CLIP2: variants seen among roughly 807,000 people sequenced by gnomAD.
CLIP2 encodes the protein CAP-Gly domain-containing linker protein 2.
CLIP2 carries 41 observed loss-of-function variants against 111.7 expected under a neutral mutation model. The ratio of observed to expected loss-of-function variants is 0.37; its 90% CI spans 0.29 to 0.48. The LOEUF (loss-of-function observed/expected upper bound fraction) is 0.48, where lower values mean the gene tolerates loss of function less well. CLIP2 is among the 20% of genes least tolerant of loss of function. The pLI, the probability that CLIP2 is intolerant of heterozygous loss-of-function variation, is 0.99. For synonymous variants in CLIP2, 660 were observed against 644.2 expected (o/e 1.02, Z -0.37); for missense variants, 1,160 against 1,422.1 (o/e 0.82, Z 2.96).
At chr7:74,329,161 C>T (rs573639913) in intron 2 of CLIP2, among the ~76,000 whole-genome samples, 17 of 146,204 alleles carry the variant, frequency 1.2e-4, no homozygotes, top group East Asian at 4.0e-4. Flanking sequence ...CTCCTGACCT[C>T]GTGATCCGCC....
chr7:74,365,021 G>T, intron 8 of CLIP2: 1 of 315,110 alleles, frequency 3.2e-6, no homozygotes. Flanking sequence ...GTGTGTGTGT[G>T]TGTGTGTGTG....
intron 7 of CLIP2, among the ~76,000 whole-genome samples, chr7:74,363,660 A>G (rs1554310196): frequency 1.3e-5 from 2 of 152,086 alleles, no homozygotes; most frequent in African/African-American, 4.8e-5. Flanking sequence ...TGAGGTGGGC[A>G]GATCACTTGA....
chr7:74,353,875 G>T lies in CLIP2; in HGVS notation c.679-5G>T. ...CTAGACCTGAGTCTCCCTGTGTGCC[G>T]ACAGGTTGGCGGGACGAAGACTGGC... On this transcript the variant is annotated splice_polypyrimidine_tract_variant and splice_region_variant and intron_variant, in intron 3 of 16. Transcript: ENST00000223398. 1 of 1,614,140 alleles carries T rather than the reference G, an allele frequency of 6.2e-7. No homozygotes were observed. The highest frequency in any genetic ancestry group is 8.5e-7 in the Non-Finnish European group (1 of 1,180,002).
chr7:74,401,167 A>T (rs1354147763), intron 15 of CLIP2, among the ~76,000 whole-genome samples: 2 of 151,212 alleles, frequency 1.3e-5, no homozygotes, highest in African/African-American at 4.9e-5. Flanking sequence ...TGTCCCAGGA[A>T]CCTCCATCAG....
chr7:74,350,934 G>T (rs1789970107), intron 3 of CLIP2, among the ~76,000 whole-genome samples: 1 of 146,828 alleles, frequency 6.8e-6, no homozygotes, highest in African/African-American at 2.5e-5. Context: ...GGAAGGGAAG[G>T]AAAGGAAGGA....
chr7:74,335,174 G>C (rs1554731885), intron 2 of CLIP2, among the ~76,000 whole-genome samples: 2 of 151,268 alleles, frequency 1.3e-5, no homozygotes, highest in African/African-American at 4.9e-5. Flanking sequence ...GGGAGGCTGA[G>C]GCAGGAGAAT....
intron 8 of CLIP2, among the ~76,000 whole-genome samples, chr7:74,368,872 C>T (rs1790527989): frequency 6.6e-6 from 1 of 152,232 alleles, no homozygotes; most frequent in Non-Finnish European, 1.5e-5. Context: ...TGCCCTGACC[C>T]AGGGCCCCCT....
Position 74,338,431 on chromosome 7 carries a change from C to T in CLIP2, c.122-17C>T. 6.2e-7 allele frequency: 1 copy of T among 1,610,312 alleles called. No homozygotes were observed. Among genetic ancestry groups the T allele is most frequent in the Non-Finnish European group, 8.5e-7 (1 of 1,178,988 alleles). ...CCTAACAGCCACCTCTTTCCCTTTC[C>T]CTCTCCTTCTCTGCAGGCTCCCCAC... On this transcript the variant is annotated splice_polypyrimidine_tract_variant and intron_variant, in intron 2 of 16. Coordinates refer to ENST00000223398, the MANE Select transcript of CLIP2 (RefSeq NM_003388.5). This position sits in a 1 kb window ranked among gnomAD's most constrained non-coding sequence, Gnocchi z 4.3.
intron 8 of CLIP2, among the ~76,000 whole-genome samples, chr7:74,371,627 G>A (rs1790625414): frequency 7.0e-6 from 1 of 143,418 alleles, no homozygotes; most frequent in Non-Finnish European, 1.5e-5. Flanking sequence ...GGGAAACAGG[G>A]AGGGGAATGG....
At chr7:74,313,575 T>A (rs1269953815) in intron 1 of CLIP2, among the ~76,000 whole-genome samples, 6 of 146,712 alleles carry the variant, frequency 4.1e-5, no homozygotes, top group African/African-American at 1.5e-4. Flanking sequence ...AAAAAAAAAA[T>A]GAAGAGCCCA....
Position 74,397,175 on chromosome 7 carries a change from T to C in CLIP2, c.2822T>C (p.Ile941Thr). 2 of 1,613,400 alleles carry C rather than the reference T, an allele frequency of 1.2e-6. No homozygotes were observed. Among genetic ancestry groups the C allele is most frequent in the Non-Finnish European group, 1.7e-6 (2 of 1,179,938 alleles). The change falls in exon 14 of 17, where the codon ATC (isoleucine) becomes ACC (threonine). Residue 941 changes from isoleucine to threonine, a missense_variant. Ile to Thr is a moderately conservative substitution (Grantham distance 89, BLOSUM62 -1). This residue lies in a region of CLIP2 where 676 missense variants were observed against 777.8 expected (regional missense o/e 0.87). Coordinates refer to ENST00000223398, the MANE Select transcript of CLIP2 (RefSeq NM_003388.5). ...SREVHKAEWRIKEQKLKDDIR... is the reference protein window; with the variant it reads ...SREVHKAEWRTKEQKLKDDIR... ...GAGGTACACAAGGCTGAGTGGCGGATCAAGGAGCAGAAACTCAAGGATGAC... is the reference window on the plus strand; with the variant it reads ...GAGGTACACAAGGCTGAGTGGCGGACCAAGGAGCAGAAACTCAAGGATGAC...
At chr7:74,371,292 T>C (rs1432082226) in intron 8 of CLIP2, among the ~76,000 whole-genome samples, 4 of 126,442 alleles carry the variant, frequency 3.2e-5, no homozygotes, top group African/African-American at 1.2e-4. Context: ...TCCTTTGGAG[T>C]GGGACCGAAT....
intron 12 of CLIP2, among the ~76,000 whole-genome samples, chr7:74,387,054 A>G (rs78644632): frequency 0.04 from 5,921 of 149,054 alleles, 127 homozygotes; most frequent in Non-Finnish European, 0.054. Context: ...GGCCAGGGCC[A>G]GGTCACCTGC....
chr7:74,379,637 G>T (rs1258739246), intron 10 of CLIP2, among the ~76,000 whole-genome samples: 1 of 151,760 alleles, frequency 6.6e-6, no homozygotes, highest in Non-Finnish European at 1.5e-5. Context: ...GGTGGCGGGC[G>T]CCTGTAGTCC....
intron 13 of CLIP2, among the ~76,000 whole-genome samples, chr7:74,394,355 A>G (rs1476323389): frequency 1.3e-5 from 2 of 150,600 alleles, no homozygotes; most frequent in Non-Finnish European, 2.9e-5. Flanking sequence ...GGTTCAAGCA[A>G]TTCTCCTGCC....
chr7:74,331,205 C>CAAAAA (rs58844348), intron 2 of CLIP2, among the ~76,000 whole-genome samples: 4 of 59,956 alleles, frequency 6.7e-5, no homozygotes, highest in African/African-American at 2.3e-4. Flanking sequence ...GACTCCATCT[C>CAAAAA]AAAAAAAAAA....
chr7:74,295,447 G>A (rs932388736), intron 1 of CLIP2, among the ~76,000 whole-genome samples: 5 of 152,182 alleles, frequency 3.3e-5, no homozygotes, highest in Non-Finnish European at 5.9e-5. Context: ...TGGCGGCGGG[G>A]AGAAGTAACG....
chr7:74,349,671 G>A (rs1224658512), intron 3 of CLIP2, among the ~76,000 whole-genome samples: 3 of 150,824 alleles, frequency 2.0e-5, no homozygotes, highest in East Asian at 3.9e-4. Flanking sequence ...CACCCAGGCT[G>A]GAGTGCAATG....
At chr7:74,323,379 G>A (rs73360542) in intron 2 of CLIP2, among the ~76,000 whole-genome samples, 2,607 of 151,058 alleles carry the variant, frequency 0.017, 69 homozygotes, top group African/African-American at 0.057. Flanking sequence ...ACCAAAGGGC[G>A]TGAGCCACCA....
Sources: gnomAD v4.1 joint callset for allele counts (sites outside exome capture counted in the v4.1 genomes callset) on GRCh38, gnomAD v4.1.1 for gene constraint, gnomAD v4.1.1 regional missense constraint, Gnocchi (gnomAD v3.1) non-coding constraint, MANE v1.5 for transcripts, NCBI Gene and HGNC (gene_info 2026-07-23, HGNC 2026-07-21) for gene names.